The following IQCM variants were observed in gnomAD, a reference collection of about 807,000 sequenced individuals.
IQCM encodes the protein IQ domain-containing protein M.
A neutral mutation model predicts 57.6 loss-of-function variants in IQCM; 45 were observed. The observed-to-expected ratio is 0.78, with a 90% CI of 0.62 to 1.00. The LOEUF (loss-of-function observed/expected upper bound fraction) is 1.00. IQCM is among the 50% of genes least tolerant of loss of function. The probability of loss-of-function intolerance (pLI) is 0.00; values close to 1 mark genes in which losing one functional copy is unlikely to be tolerated. For synonymous variants in IQCM, 148 were observed against 158.9 expected, an observed-to-expected ratio of 0.93 and a Z score of 0.51; for missense variants, 468 against 511.6, an observed-to-expected ratio of 0.91 and a Z score of 0.82.
rs1295864246 is a variant in IQCM at position 149,664,103 on chromosome 4, CTTCA to C, written c.565+18011_565+18014del. 5.3e-5 allele frequency among the ~76,000 whole-genome samples: 8 copies of C among 152,104 alleles called. No individual in the cohort carries two copies. The South Asian group carries it at 1.4e-3, about 28-fold the overall frequency. On this transcript the variant is annotated intron_variant, in intron 7 of 13. Transcript: ENST00000636793. ...GTTGAAGCCCTCAATGGTATTTTTA[CTTCA>C]TTCATTGAATTCTTCAGCTCTAAGA... is the stretch of plus-strand genomic sequence containing the variant.
chr4:149,625,409 T>G (rs182255592), intron 7 of IQCM, among the ~76,000 whole-genome samples: 1 of 152,184 alleles, frequency 6.6e-6, no homozygotes, highest in Admixed American at 6.5e-5. Flanking sequence ...GGAGGAGACA[T>G]CCCTATAACA....
intron 11 of IQCM, 31 bp from the exon 12 acceptor site, chr4:149,548,620 T>A (rs1324375945): frequency 4.5e-6 from 5 of 1,112,250 alleles, no homozygotes; most frequent in Non-Finnish European, 5.7e-6. Context: ...AAGAAAATAT[T>A]TTTTTAAACA....
rs562242982 is a variant in IQCM, at chr4:149,385,537, G to A, written c.1391-33471C>T. 4.2e-3 allele frequency among the ~76,000 whole-genome samples: 643 copies of A among 152,070 alleles called. 2 individuals carry two copies. Among genetic ancestry groups the A allele is most frequent in the Non-Finnish European group, 6.4e-3 (433 of 67,956 alleles). On this transcript the variant is annotated intron_variant, in intron 13 of 13. Coordinates refer to ENST00000636793, the MANE Select transcript of IQCM (RefSeq NM_001363507.2). The stretch of plus-strand genomic sequence containing the variant: ...CACAAATTTATATAAAAAACTCCTG[G>A]AAGCCAAAACCTTTCTCCTAAAATA...
rs1362828333 is a variant in IQCM at position 149,368,904 on chromosome 4, G to A, written c.1391-16838C>T. The stretch of plus-strand genomic sequence containing the variant: ...TGTATATATATGTATATATATACAC[G>A]TGTATATATATGTGTATATATATAC... On this transcript the variant is annotated intron_variant, in intron 13 of 13. Coordinates refer to ENST00000636793, the MANE Select transcript of IQCM (RefSeq NM_001363507.2). Among the ~76,000 whole-genome samples the A allele has an allele frequency of 1.8e-4, 12 of 67,168 alleles. 2 individuals carry two copies. In the East Asian group the frequency reaches 3.2e-3, roughly 18 times the overall value. 44.1% of individuals were successfully genotyped at this position (67,168 alleles called of 152,430 possible). A position where few individuals can be genotyped will look rare whatever the true frequency, so the allele number is the denominator to read the frequency against.
intron 13 of IQCM, among the ~76,000 whole-genome samples, chr4:149,403,396 GA>G (rs1732753452): frequency 1.3e-5 from 2 of 151,912 alleles, no homozygotes; most frequent in Non-Finnish European, 2.9e-5. Flanking sequence ...AACAAGGGCT[GA>G]ATTCCAAATA....
At chr4:149,623,573 T>C (rs1756534553) in intron 7 of IQCM, among the ~76,000 whole-genome samples, 2 of 152,222 alleles carry the variant, frequency 1.3e-5, no homozygotes, top group South Asian at 4.1e-4. Flanking sequence ...AAATTCCAGT[T>C]TATTCCACAA....
chr4:149,475,903 G>A (rs1244642477), intron 12 of IQCM, among the ~76,000 whole-genome samples: 1 of 152,050 alleles, frequency 6.6e-6, no homozygotes, highest in Non-Finnish European at 1.5e-5. Context: ...AGGGTAGGAA[G>A]GTGTATTTCA....
chr4:149,445,681 G>A (rs763545711), intron 12 of IQCM, among the ~76,000 whole-genome samples: 6 of 151,588 alleles, frequency 4.0e-5, no homozygotes, highest in African/African-American at 1.2e-4. Context: ...TATCTGTATC[G>A]TTACTCTATG....
intron 2 of IQCM, among the ~76,000 whole-genome samples, chr4:149,792,666 TC>T (rs1218162588): frequency 7.9e-5 from 12 of 152,320 alleles, no homozygotes; most frequent in African/African-American, 2.6e-4. Flanking sequence ...TGGCCCATCT[TC>T]ATTTACCTTC....
At chr4:149,661,085 C>T (rs529912818) in intron 7 of IQCM, among the ~76,000 whole-genome samples, 7 of 151,986 alleles carry the variant, frequency 4.6e-5, no homozygotes, top group South Asian at 4.2e-4. Context: ...TTGGTGTTAG[C>T]GGTGTGTTTG....
At chr4:149,438,990 T>C (rs926139852) in intron 12 of IQCM, among the ~76,000 whole-genome samples, 3 of 152,080 alleles carry the variant, frequency 2.0e-5, no homozygotes, top group African/African-American at 7.2e-5. Flanking sequence ...AATGAGGTTA[T>C]GAATTATTTA....
Position 149,812,480 on chromosome 4 carries a change from TCACACACACACACACACACACAGA to T in IQCM, c.-49+2807_-49+2830del. Among the ~76,000 whole-genome samples the T allele has an allele frequency of 2.2e-5, 3 of 138,886 alleles. No homozygotes were observed. In the East Asian group the frequency reaches 6.8e-4, roughly 32 times the overall value. The allele number at this position is 138,886 out of a possible 152,430, so 91.1% of individuals were successfully genotyped here. On this transcript the variant is annotated intron_variant, in intron 2 of 13. Coordinates refer to ENST00000636793, the MANE Select transcript of IQCM (RefSeq NM_001363507.2). Reference sequence around the variant, plus strand: ...AGATCTCTCTCTCTCTCTCTCTCTCTCACACACACACACACACACACAGACACACACACACACACACACACACAC... The same window carrying T: ...AGATCTCTCTCTCTCTCTCTCTCTCTCACACACACACACACACACACACAC...
chr4:149,742,043 G>T (rs1178433900), intron 3 of IQCM, among the ~76,000 whole-genome samples: 1 of 151,798 alleles, frequency 6.6e-6, no homozygotes, highest in African/African-American at 2.4e-5. Context: ...ACTAAAAAAG[G>T]TGAAATTAAT....
chr4:149,579,486 C>A (rs1436574305), intron 9 of IQCM, among the ~76,000 whole-genome samples: 1 of 151,762 alleles, frequency 6.6e-6, no homozygotes, highest in African/African-American at 2.4e-5. Flanking sequence ...TCCAATTAGG[C>A]TAGACTGGGA....
intron 12 of IQCM, among the ~76,000 whole-genome samples, chr4:149,545,278 A>C: frequency 6.6e-6 from 1 of 152,218 alleles, no homozygotes; most frequent in East Asian, 1.9e-4. Context: ...GAGAACCTGT[A>C]GAATGGGAGA....
At chr4:149,496,188 C>A (rs925590303) in intron 12 of IQCM, among the ~76,000 whole-genome samples, 1 of 152,016 alleles carries the variant, frequency 6.6e-6, no homozygotes, top group African/African-American at 2.4e-5. Context: ...CAAATTCTAG[C>A]TCTAGGAATA....
chr4:149,676,431 G>A (rs1761755595), intron 7 of IQCM, among the ~76,000 whole-genome samples: 1 of 152,066 alleles, frequency 6.6e-6, no homozygotes, highest in East Asian at 1.9e-4. Flanking sequence ...TTATATGAAT[G>A]TAGGAAGTTG....
At chr4:149,441,453 G>A (rs1735932299) in intron 12 of IQCM, among the ~76,000 whole-genome samples, 1 of 152,080 alleles carries the variant, frequency 6.6e-6, no homozygotes. Flanking sequence ...AACCCAGCTG[G>A]GCAAACTTGA....
At chr4:149,614,561 G>A (rs1755610335) in intron 8 of IQCM, among the ~76,000 whole-genome samples, 1 of 152,114 alleles carries the variant, frequency 6.6e-6, no homozygotes, top group African/African-American at 2.4e-5. Flanking sequence ...TATCACCATT[G>A]CAAAGTGCAT....
Sources: gnomAD v4.1 joint callset for allele counts (sites outside exome capture counted in the v4.1 genomes callset) on GRCh38, gnomAD v4.1.1 for gene constraint, MANE v1.5 for transcripts, NCBI Gene and HGNC (gene_info 2026-07-23, HGNC 2026-07-21) for gene names.